The following NEK5 variants were observed in gnomAD, a reference collection of about 807,000 sequenced individuals.
NEK5 encodes NIMA related kinase 5.
NEK5 carries 88 observed loss-of-function variants against 109.2 expected under a neutral mutation model. The observed-to-expected ratio is 0.81, with a 90% confidence interval of 0.68 to 0.96. NEK5 has a LOEUF of 0.96. NEK5 is among the 40% of genes least tolerant of loss of function. The pLI is 0.00. For missense variants in NEK5, 834 were observed against 920.7 expected, an observed-to-expected ratio of 0.91 and a Z score of 1.22; for synonymous variants, 283 against 299.9, an observed-to-expected ratio of 0.94 and a Z score of 0.58.
At chr13:52,043,587 TA>T (rs906954257) in intron 23 of NEK5, among the ~76,000 whole-genome samples, 2 of 149,536 alleles carry the variant, frequency 1.3e-5, no homozygotes, top group Non-Finnish European at 3.0e-5. Flanking sequence ...AAAAAGTGCT[TA>T]AAAAAATACA....
At chr13:52,088,700 G>C (rs866575018) in intron 14 of NEK5, among the ~76,000 whole-genome samples, 1 of 152,276 alleles carries the variant, frequency 6.6e-6, no homozygotes, top group African/African-American at 2.4e-5. Flanking sequence ...TGAATGAACT[G>C]TCCAAGGTCC....
At chr13:52,086,643 G>A (rs1955149339) in intron 15 of NEK5, among the ~76,000 whole-genome samples, 1 of 151,988 alleles carries the variant, frequency 6.6e-6, no homozygotes, top group South Asian at 2.1e-4. Flanking sequence ...ACCCTCTTAT[G>A]CACTGAAGTT....
Position 52,126,705 on chromosome 13 carries a change from G to A in NEK5, c.117+661C>T, listed in dbSNP as rs147042311. Among the ~76,000 whole-genome samples the A allele has an allele frequency of 2.8e-3, 421 of 152,304 alleles. 4 individuals are homozygous for A. The highest frequency in any genetic ancestry group is 9.2e-3 in the African/African-American group (383 of 41,576). ...GAAGTGGGAGAATTGCTTGAATCCC[G>A]GAGGTGGAGATTGCAGTGAGCCAAG... On this transcript the variant is annotated intron_variant, in intron 3 of 23. Transcript: ENST00000684899.
chr13:52,041,750 A>C (rs1187810066), intron 23 of NEK5, among the ~76,000 whole-genome samples: 1 of 150,890 alleles, frequency 6.6e-6, no homozygotes, highest in Non-Finnish European at 1.5e-5. Flanking sequence ...AAAAAAAAAA[A>C]AAATTCACCT....
rs77127697 is a variant in NEK5 at position 52,099,053 on chromosome 13, G to C, written c.1026+690C>G. Among the ~76,000 whole-genome samples the C allele has an allele frequency of 2.4e-3, 364 of 152,274 alleles. 3 individuals are homozygous for C. The highest frequency in any genetic ancestry group is 8.4e-3 in the African/African-American group (348 of 41,564). On this transcript the variant is annotated intron_variant, in intron 12 of 23. Coordinates refer to ENST00000684899, the MANE Select transcript of NEK5 (RefSeq NM_001365552.1). ...AACTTAATTGTACATTTTGAAATAA[G>C]TTACAGAGTATAACTGGGTTGTTTG...
Position 52,119,227 on chromosome 13 carries a change from A to C in NEK5, c.214+92T>G, listed in dbSNP as rs914396412. On this transcript the variant is annotated intron_variant, in intron 4 of 23. Transcript: ENST00000684899. ...GGAAATGACCCATTTACAAAAATTA[A>C]TTTATACACAGTCCTTAGGAACAAA... 3 of 566,074 alleles carry C rather than the reference A, an allele frequency of 5.3e-6. No individual in the cohort carries two copies. In the East Asian group the frequency reaches 9.1e-5, roughly 17 times the overall value. 35.1% of individuals were successfully genotyped at this position (566,074 alleles called of 1,614,324 possible). A position where few individuals can be genotyped will look rare whatever the true frequency, so the allele number is the denominator to read the frequency against.
intron 3 of NEK5, among the ~76,000 whole-genome samples, chr13:52,125,303 C>T (rs1781577390): frequency 6.6e-6 from 1 of 152,206 alleles, no homozygotes; most frequent in Admixed American, 6.5e-5. Context: ...GTGGCTCATG[C>T]CTGTAATCCC....
At position 52,086,306 on chromosome 13, in the gene NEK5, T is replaced by C; in HGVS notation, c.1450A>G (p.Ile484Val). The change falls in exon 16 of 24, where the codon ATT (isoleucine) becomes GTT (valine). Residue 484 changes from isoleucine to valine, a missense_variant. Around this residue, in one of 2 missense-constraint regions of NEK5, gnomAD observed 777 missense variants for 824.7 expected, o/e 0.94. Coordinates refer to ENST00000684899, the MANE Select transcript of NEK5 (RefSeq NM_001365552.1). ...RQQYHNDMKEIRKKMGREPEE... is the reference protein window; with the variant it reads ...RQQYHNDMKEVRKKMGREPEE... ...GGTTCTCTCCCCATCTTCTTTCTAATTTCTTTCATGTCATTGTGGTACTGT... is the reference window on the plus strand; with the variant it reads ...GGTTCTCTCCCCATCTTCTTTCTAACTTCTTTCATGTCATTGTGGTACTGT... The C allele has an allele frequency of 6.2e-7, 1 of 1,612,138 alleles. No homozygotes were observed. The highest frequency in any genetic ancestry group is 8.5e-7 in the Non-Finnish European group (1 of 1,178,200).
intron 8 of NEK5, among the ~76,000 whole-genome samples, chr13:52,107,253 A>T (rs535551698): frequency 9.6e-6 from 1 of 103,648 alleles, no homozygotes; most frequent in African/African-American, 2.7e-5. Context: ...CCTCCATCAC[A>T]ACTGTTTCTA....
chr13:52,087,750 C>T (rs1382799891), intron 14 of NEK5, among the ~76,000 whole-genome samples: 3 of 150,796 alleles, frequency 2.0e-5, no homozygotes, highest in South Asian at 2.1e-4. Context: ...CTCAGCCTTC[C>T]GAGTAGCTGG....
Position 52,072,029 on chromosome 13 carries a change from G to A in NEK5, c.1764C>T (p.Gly588=), listed in dbSNP as rs751631801. The A allele has an allele frequency of 6.2e-7, 1 of 1,609,972 alleles. No individual in the cohort carries two copies. Among genetic ancestry groups the A allele is most frequent in the South Asian group, 1.1e-5 (1 of 90,962 alleles). ...IPNETLTFED[G]MKFKEYECVK... ...CACATTCATATTCCTTAAACTTCATGCCATCCTCAAAGGTCAAAGTTTCAT... is the reference window on the plus strand; with the variant it reads ...CACATTCATATTCCTTAAACTTCATACCATCCTCAAAGGTCAAAGTTTCAT... The change falls in exon 20 of 24, where the codon GGC becomes GGT. Residue 588 remains glycine (G), a synonymous_variant. Coordinates refer to ENST00000684899, the MANE Select transcript of NEK5 (RefSeq NM_001365552.1).
At position 52,080,412 on chromosome 13, in the gene NEK5, C is replaced by T. The variant is rs111784456; in HGVS notation, c.1572+2848G>A. Among the ~76,000 whole-genome samples the T allele has an allele frequency of 3.3e-3, 484 of 148,488 alleles. 2 individuals carry two copies. The highest frequency in any genetic ancestry group is 0.011 in the African/African-American group (434 of 41,296). On this transcript the variant is annotated intron_variant, in intron 17 of 23. Coordinates refer to ENST00000684899, the MANE Select transcript of NEK5 (RefSeq NM_001365552.1). ...GGTGTACCCAACAGCTCATTGAGAACGGGCCATGATGACAATGGCGGTTTT... is the reference window on the plus strand; with the variant it reads ...GGTGTACCCAACAGCTCATTGAGAATGGGCCATGATGACAATGGCGGTTTT...
chr13:52,037,500 G>C (rs966475237), intron 23 of NEK5, among the ~76,000 whole-genome samples: 19 of 151,948 alleles, frequency 1.3e-4, no homozygotes, highest in African/African-American at 4.1e-4. Flanking sequence ...AACAATTGCC[G>C]TACATCGAGC....
At chr13:52,125,390 C>A (rs1046350958) in intron 3 of NEK5, among the ~76,000 whole-genome samples, 3 of 152,116 alleles carry the variant, frequency 2.0e-5, no homozygotes, top group Non-Finnish European at 2.9e-5. Flanking sequence ...AGTGAAACCC[C>A]GTCTCTACTA....
chr13:52,122,300 C>T (rs1289656615), intron 3 of NEK5, among the ~76,000 whole-genome samples: 1 of 152,148 alleles, frequency 6.6e-6, no homozygotes, highest in Non-Finnish European at 1.5e-5. Flanking sequence ...AGTTGATATA[C>T]ATAATAAAAC....
chr13:52,056,657 T>C (rs1156805300), intron 22 of NEK5, among the ~76,000 whole-genome samples: 1 of 149,614 alleles, frequency 6.7e-6, no homozygotes, highest in East Asian at 2.0e-4. Context: ...TCAAAACCGC[T>C]CAACTACATG....
At chr13:52,061,354 T>C (rs897651689) in intron 22 of NEK5, among the ~76,000 whole-genome samples, 1 of 152,192 alleles carries the variant, frequency 6.6e-6, no homozygotes, top group Admixed American at 6.5e-5. Flanking sequence ...GGCCACAGAC[T>C]GGTACTGGTC....
At position 52,059,901 on chromosome 13, in the gene NEK5, A is replaced by G. The variant is rs552214270; in HGVS notation, c.2110+1918T>C. Reference sequence around the variant, plus strand: ...GCACACCAGCATGGCACATGTATACATATGTAACTAACCTGCACATTGTGC... The same window carrying G: ...GCACACCAGCATGGCACATGTATACGTATGTAACTAACCTGCACATTGTGC... On this transcript the variant is annotated intron_variant, in intron 22 of 23. Coordinates refer to ENST00000684899, the MANE Select transcript of NEK5 (RefSeq NM_001365552.1). 3.9e-5 allele frequency among the ~76,000 whole-genome samples: 6 copies of G among 152,174 alleles called. No individual in the cohort carries two copies. In the East Asian group the frequency reaches 1.2e-3, roughly 29 times the overall value.
intron 22 of NEK5, among the ~76,000 whole-genome samples, chr13:52,059,817 C>CG (rs1954595511): frequency 1.0e-5 from 1 of 96,326 alleles, no homozygotes; most frequent in African/African-American, 4.0e-5. Flanking sequence ...GGTGGGGGGA[C>CG]GGGGGAGGGA....
Sources: gnomAD v4.1 joint callset for allele counts (sites outside exome capture counted in the v4.1 genomes callset) on GRCh38, gnomAD v4.1.1 for gene constraint, gnomAD v4.1.1 regional missense constraint, MANE v1.5 for transcripts, NCBI Gene and HGNC (gene_info 2026-07-23, HGNC 2026-07-21) for gene names.